RNF111: variants seen among roughly 807,000 people sequenced by gnomAD.
The protein encoded by RNF111 is ring finger protein 111, also known as E3 ubiquitin-protein ligase Arkadia.
Under a neutral mutation model 95.1 loss-of-function variants are expected in RNF111, and 17 were observed. That is an observed-to-expected ratio of 0.18 (90% CI 0.12 to 0.27). The LOEUF (loss-of-function observed/expected upper bound fraction) is 0.27. RNF111 is among the 10% of genes least tolerant of loss of function. The pLI is 1.00. For synonymous variants in RNF111, 440 were observed against 414.8 expected (o/e 1.06, Z -0.74); for missense variants, 1,189 against 1,210.4 (o/e 0.98, Z 0.26).
intron 6 of RNF111, among the ~76,000 whole-genome samples, chr15:59,072,927 C>T (rs1375290317): frequency 6.7e-6 from 1 of 149,624 alleles, no homozygotes; most frequent in African/African-American, 2.5e-5. Context: ...CTGGCTCATG[C>T]ATTTGCTCCC....
chr15:59,038,817 C>A (rs1459708654), intron 2 of RNF111, among the ~76,000 whole-genome samples: 1 of 152,170 alleles, frequency 6.6e-6, no homozygotes, highest in Non-Finnish European at 1.5e-5. Flanking sequence ...TGTGTGCTTT[C>A]TGTTGCGTCA....
chr15:59,014,618 A>G (rs2039981303), intron 1 of RNF111, among the ~76,000 whole-genome samples: 1 of 152,226 alleles, frequency 6.6e-6, no homozygotes, highest in African/African-American at 2.4e-5. Context: ...ACATAGGGGA[A>G]AGTTGTTAGA....
chr15:59,008,384 G>A (rs1431818775), intron 1 of RNF111, among the ~76,000 whole-genome samples: 19 of 151,732 alleles, frequency 1.3e-4, no homozygotes, highest in African/African-American at 4.6e-4. Context: ...TGCCTGACTA[G>A]TTTTAAAATT....
At chr15:59,060,110 T>C (rs781296552) in intron 5 of RNF111, among the ~76,000 whole-genome samples, 23 of 152,134 alleles carry the variant, frequency 1.5e-4, no homozygotes, top group Non-Finnish European at 3.2e-4. Flanking sequence ...CAGGCTCAGG[T>C]GATCCTCCTA....
intron 11 of RNF111, 56 bp from the exon 12 acceptor site, chr15:59,091,003 C>G: frequency 9.7e-7 from 1 of 1,031,776 alleles, no homozygotes; most frequent in Non-Finnish European, 1.5e-6. Flanking sequence ...GTTGACAGTT[C>G]TGTTCAAGGA....
At chr15:59,003,134 G>A (rs1004788257) in intron 1 of RNF111, among the ~76,000 whole-genome samples, 1 of 151,656 alleles carries the variant, frequency 6.6e-6, no homozygotes, top group African/African-American at 2.4e-5. Flanking sequence ...TTCTTTTTTC[G>A]AGACAAGGTC....
At chr15:59,000,790 T>A (rs576233344) in intron 1 of RNF111, among the ~76,000 whole-genome samples, 1 of 152,068 alleles carries the variant, frequency 6.6e-6, no homozygotes, top group Non-Finnish European at 1.5e-5. Context: ...TCTCCTTTCA[T>A]CCCATCTTTC....
intron 6 of RNF111, among the ~76,000 whole-genome samples, chr15:59,071,994 T>C (rs751672919): frequency 6.6e-6 from 1 of 152,250 alleles, no homozygotes; most frequent in Non-Finnish European, 1.5e-5. Context: ...ATGTACATGC[T>C]TCAATTTAAA....
At chr15:58,995,788 T>A (rs909534946) in intron 1 of RNF111, among the ~76,000 whole-genome samples, 3 of 131,764 alleles carry the variant, frequency 2.3e-5, no homozygotes, top group Non-Finnish European at 5.0e-5. Context: ...TTTTTTTTTT[T>A]AAGTATTTCC....
chr15:59,000,619 A>G (rs748258704), intron 1 of RNF111, among the ~76,000 whole-genome samples: 9 of 151,728 alleles, frequency 5.9e-5, no homozygotes, highest in Non-Finnish European at 8.8e-5. Context: ...CTGAGGCACG[A>G]GAATTGCTTG....
At chr15:59,058,741 T>A in intron 5 of RNF111, 191 bp downstream of exon 5, 1 of 577,608 alleles carries the variant, frequency 1.7e-6, no homozygotes, top group South Asian at 2.0e-5. Flanking sequence ...GTGTGCTATA[T>A]GTAACCAGAG....
chr15:59,053,332 A>G (rs1254750544), intron 3 of RNF111, among the ~76,000 whole-genome samples: 1 of 152,210 alleles, frequency 6.6e-6, no homozygotes, highest in Non-Finnish European at 1.5e-5. Context: ...AGTATTGGTA[A>G]TAATAGCAAT....
In RNF111 at chr15:59,016,493, A is replaced by C. The variant is rs181757306; in HGVS notation, c.-19-14311A>C. On this transcript the variant is annotated intron_variant, in intron 1 of 13. Transcript: ENST00000348370. ...AGCTTCTTGAAGGATGGGAACCTGT[A>C]TTTTCTCTCTCTGCCCACAGATCCA... Among the ~76,000 whole-genome samples the C allele has an allele frequency of 1.2e-3, 180 of 152,170 alleles. 1 individual carries two copies. Among genetic ancestry groups the C allele is most frequent in the African/African-American group, 4.2e-3 (173 of 41,500 alleles).
intron 1 of RNF111, among the ~76,000 whole-genome samples, chr15:58,996,175 G>C (rs1220924241): frequency 1.3e-5 from 2 of 152,040 alleles, no homozygotes; most frequent in Non-Finnish European, 2.9e-5. Flanking sequence ...CCACTTAACT[G>C]TTTATTAAAA....
intron 1 of RNF111, among the ~76,000 whole-genome samples, chr15:58,994,383 T>A (rs1436513579): frequency 6.6e-6 from 1 of 152,018 alleles, no homozygotes; most frequent in Non-Finnish European, 1.5e-5. Context: ...ACCGAAAGAT[T>A]TAAAAAATAG....
chr15:59,008,269 G>A (rs2039631620), intron 1 of RNF111, among the ~76,000 whole-genome samples: 1 of 152,144 alleles, frequency 6.6e-6, no homozygotes, highest in Non-Finnish European at 1.5e-5. Context: ...CCAGGCTGCA[G>A]TGCAGTGGCA....
intron 1 of RNF111, among the ~76,000 whole-genome samples, chr15:59,001,675 T>A (rs2141448295): frequency 6.6e-6 from 1 of 152,338 alleles, no homozygotes; most frequent in South Asian, 2.1e-4. Context: ...AAATACTTAA[T>A]ACTTTTATTA....
chr15:59,040,061 A>G (rs2041374825), intron 2 of RNF111, among the ~76,000 whole-genome samples: 1 of 151,828 alleles, frequency 6.6e-6, no homozygotes, highest in Non-Finnish European at 1.5e-5. Context: ...TCTGGGAATT[A>G]AGGTGGTTTT....
chr15:58,999,196 A>T (rs544404755), intron 1 of RNF111, among the ~76,000 whole-genome samples: 2 of 152,346 alleles, frequency 1.3e-5, no homozygotes, highest in South Asian at 4.1e-4. Context: ...TGGAATACAG[A>T]TGCAGATGTG....
Sources: allele counts gnomAD v4.1 joint callset (sites outside exome capture counted in the v4.1 genomes callset), GRCh38; gene constraint gnomAD v4.1.1; transcripts MANE v1.5; gene names NCBI Gene and HGNC (gene_info 2026-07-23, HGNC 2026-07-21).